Variants in FARP1 observed in about 807,000 individuals in gnomAD.
The protein encoded by FARP1 is FERM, ARHGEF and pleckstrin domain-containing protein 1.
Under a neutral mutation model 128.8 loss-of-function variants are expected in FARP1, and 52 were observed. That is an observed-to-expected ratio of 0.40 (90% confidence interval 0.32 to 0.51). The LOEUF (loss-of-function observed/expected upper bound fraction) is 0.51. Among genes scored for constraint, FARP1 ranks in the 20% least tolerant of loss-of-function variants. FARP1 has a pLI of 0.45. For synonymous variants in FARP1, 580 were observed against 551.8 expected (o/e 1.05, Z -0.72); for missense variants, 1,333 against 1,367.9 (o/e 0.97, Z 0.40).
At chr13:98,284,209 G>T (rs1403956128) in intron 2 of FARP1, among the ~76,000 whole-genome samples, 1 of 151,768 alleles carries the variant, frequency 6.6e-6, no homozygotes, top group African/African-American at 2.4e-5. Context: ...ATCAGCTATT[G>T]TTAGTGTTAG....
intron 1 of FARP1, among the ~76,000 whole-genome samples, chr13:98,186,051 C>T (rs1415426623): frequency 1.3e-5 from 2 of 152,132 alleles, no homozygotes; most frequent in African/African-American, 4.8e-5. Flanking sequence ...ATTCAGTGCA[C>T]TCACATTATT....
chr13:98,266,561 G>T (rs1392114321), intron 2 of FARP1, among the ~76,000 whole-genome samples: 1 of 152,178 alleles, frequency 6.6e-6, no homozygotes, highest in Admixed American at 6.5e-5. Flanking sequence ...AGAAGCAAGA[G>T]TTCTGGGTTG....
intron 2 of FARP1, chr13:98,244,687 A>T (rs777781741): frequency 6.2e-7 from 1 of 1,613,910 alleles, no homozygotes; most frequent in Non-Finnish European, 8.5e-7. Flanking sequence ...ACAGTCACTG[A>T]AGAGCTTCTT....
At chr13:98,266,042 G>A (rs1411600768) in intron 2 of FARP1, among the ~76,000 whole-genome samples, 1 of 152,014 alleles carries the variant, frequency 6.6e-6, no homozygotes, top group East Asian at 1.9e-4. Flanking sequence ...ACTTGAAAGC[G>A]CTTTTTTTTC....
At chr13:98,258,124 G>A (rs1178981806) in intron 2 of FARP1, among the ~76,000 whole-genome samples, 4 of 151,968 alleles carry the variant, frequency 2.6e-5, no homozygotes, top group Admixed American at 6.6e-5. Context: ...CCGCGACCGT[G>A]CCCGGCTAAT....
chr13:98,302,187 G>T (rs906784774), intron 2 of FARP1, among the ~76,000 whole-genome samples: 3 of 152,168 alleles, frequency 2.0e-5, no homozygotes, highest in African/African-American at 7.2e-5. Flanking sequence ...GCTCTTTAAT[G>T]GAAAGCCATA....
intron 5 of FARP1, among the ~76,000 whole-genome samples, chr13:98,369,730 G>A (rs938258853): frequency 1.3e-5 from 2 of 152,116 alleles, no homozygotes; most frequent in African/African-American, 4.8e-5. Flanking sequence ...ATTCCATGGT[G>A]TATGTGTGCC....
intron 3 of FARP1, among the ~76,000 whole-genome samples, chr13:98,350,764 G>C (rs1303527620): frequency 6.6e-6 from 1 of 151,904 alleles, no homozygotes; most frequent in Non-Finnish European, 1.5e-5. Context: ...TCCCCTCCCC[G>C]GGCTAGCCAA....
Position 98,143,158 on chromosome 13 carries a change from G to A in FARP1, c.-358G>A, listed in dbSNP as rs1369803355. The A allele has an allele frequency of 6.8e-6, 1 of 147,318 alleles. No homozygotes were observed. The highest frequency in any genetic ancestry group is 1.5e-5 in the Non-Finnish European group (1 of 66,150). 9.1% of individuals were successfully genotyped at this position (147,318 alleles called of 1,614,324 possible). A position where few individuals can be genotyped will look rare whatever the true frequency, so the allele number is the denominator to read the frequency against. On this transcript the variant is annotated 5_prime_UTR_variant, in exon 1 of 27. Coordinates refer to ENST00000319562, the MANE Select transcript of FARP1 (RefSeq NM_005766.4). ...CGCGGGCGCAGCGGTGCGGGCGCTC[G>A]GCTGGGGCGCGGGGCGGGGACGCGG... is the stretch of plus-strand genomic sequence containing the variant.
chr13:98,420,402 A>G (rs1891550424), intron 16 of FARP1, among the ~76,000 whole-genome samples: 1 of 152,118 alleles, frequency 6.6e-6, no homozygotes, highest in Non-Finnish European at 1.5e-5. Context: ...ACAGTTGGTC[A>G]TTTTCATGTC....
At chr13:98,154,082 T>C (rs1381188655) in intron 1 of FARP1, among the ~76,000 whole-genome samples, 1 of 152,236 alleles carries the variant, frequency 6.6e-6, no homozygotes, top group Non-Finnish European at 1.5e-5. Context: ...TCATTCAGCC[T>C]AATGTCTTTG....
At chr13:98,238,919 C>A (rs1429042953) in intron 2 of FARP1, among the ~76,000 whole-genome samples, 2 of 152,166 alleles carry the variant, frequency 1.3e-5, no homozygotes, top group East Asian at 1.9e-4. Flanking sequence ...CCACATTGTT[C>A]AAGGGCCAGC....
intron 1 of FARP1, among the ~76,000 whole-genome samples, chr13:98,163,158 C>A (rs1363614827): frequency 1.3e-5 from 2 of 152,282 alleles, no homozygotes; most frequent in Non-Finnish European, 2.9e-5. Context: ...AGAACAAAAT[C>A]ATCTTTGCAG....
intron 16 of FARP1, among the ~76,000 whole-genome samples, chr13:98,420,627 A>C (rs1192966685): frequency 6.6e-6 from 1 of 152,218 alleles, no homozygotes; most frequent in Non-Finnish European, 1.5e-5. Flanking sequence ...GCTTCTTAGC[A>C]GACTTTACAT....
chr13:98,423,411 T>TTTTG lies in FARP1; in HGVS notation c.1827-1137_1827-1134dup, dbSNP rs369206178. Among the ~76,000 whole-genome samples the TTTTG allele has an allele frequency of 5.9e-3, 901 of 152,200 alleles. 13 individuals are homozygous for TTTTG. The highest frequency in any genetic ancestry group is 0.02 in the African/African-American group (831 of 41,500). On this transcript the variant is annotated intron_variant, in intron 16 of 26. Transcript: ENST00000319562. Reference sequence around the variant, plus strand: ...CTTCCTATTAGAAGCCTAGTGCCAGTTTTGTTTGTTTGTTTGTTTGTTTGT... The same window carrying TTTTG: ...CTTCCTATTAGAAGCCTAGTGCCAGTTTTGTTTGTTTGTTTGTTTGTTTGTTTGT...
At chr13:98,180,462 C>T (rs758315320) in intron 1 of FARP1, among the ~76,000 whole-genome samples, 18 of 152,106 alleles carry the variant, frequency 1.2e-4, no homozygotes, top group Admixed American at 2.0e-4. Flanking sequence ...ACATCCAAAC[C>T]GTATCAGAAA....
At chr13:98,435,472 G>T in intron 18 of FARP1, 104 bp from the exon 19 acceptor site, 1 of 1,156,014 alleles carries the variant, frequency 8.7e-7, no homozygotes, top group South Asian at 1.6e-5. Context: ...TGAATACTGT[G>T]CAGGGACTGG....
At chr13:98,424,751 C>A (rs1390867214) in intron 17 of FARP1, 101 bp downstream of exon 17, 11 of 791,788 alleles carry the variant, frequency 1.4e-5, no homozygotes, top group Admixed American at 5.9e-5. Flanking sequence ...GCATGCATCA[C>A]CTGATTTGAC....
chr13:98,412,131 T>A (rs1891216407), intron 16 of FARP1, 97 bp downstream of exon 16: 1 of 1,218,524 alleles, frequency 8.2e-7, no homozygotes, highest in Non-Finnish European at 1.2e-6. Context: ...GGAACAAAGA[T>A]GAAAGGCAGG....
Sources: allele counts gnomAD v4.1 joint callset (sites outside exome capture counted in the v4.1 genomes callset), GRCh38; gene constraint gnomAD v4.1.1; transcripts MANE v1.5; gene names NCBI Gene and HGNC (gene_info 2026-07-23, HGNC 2026-07-21).